Variants in PRR16 observed in about 807,000 individuals in gnomAD.
PRR16 encodes the protein protein Largen.
In PRR16, 6 loss-of-function variants were observed where a neutral mutation model predicts 18.2. That is an observed-to-expected ratio of 0.33 (90% CI 0.18 to 0.65). The LOEUF (loss-of-function observed/expected upper bound fraction) is 0.65. Ranked by LOEUF, PRR16 falls within the 30% of genes least tolerant of loss-of-function variation. The probability of loss-of-function intolerance (pLI) is 0.74; values close to 1 mark genes in which losing one functional copy is unlikely to be tolerated. For synonymous variants in PRR16, 151 were observed against 147.8 expected (o/e 1.02, Z -0.16); for missense variants, 412 against 376.6 (o/e 1.09, Z -0.78).
At chr5:120,695,705 G>C in the PRR16 span, among the ~76,000 whole-genome samples, 1 of 152,108 alleles carries the variant, frequency 6.6e-6, no homozygotes, top group Non-Finnish European at 1.5e-5. Context: ...ACACTTCAAA[G>C]TCTATCTTAA....
intron 1 of PRR16, among the ~76,000 whole-genome samples, chr5:120,494,158 A>AT (rs1195103645): frequency 1.3e-5 from 2 of 152,278 alleles, no homozygotes; most frequent in East Asian, 3.9e-4. Context: ...CCGTCAATGT[A>AT]TAAGTTATCT....
the PRR16 span, among the ~76,000 whole-genome samples, chr5:120,778,728 T>A: frequency 3.7e-4 from 57 of 152,302 alleles, 1 homozygote; most frequent in South Asian, 0.011. Context: ...CTGATTAAAT[T>A]CATAAAATTG....
chr5:120,613,190 G>A lies in PRR16; in HGVS notation c.160-72764G>A, dbSNP rs371561299. ...AATGAAGGAAACCTAGCAATTAAGCGTGAATTTTAAAACAAGGGTTGTGTT... is the reference window on the plus strand; with the variant it reads ...AATGAAGGAAACCTAGCAATTAAGCATGAATTTTAAAACAAGGGTTGTGTT... On this transcript the variant is annotated intron_variant, in intron 1 of 1. Coordinates refer to ENST00000407149, the MANE Select transcript of PRR16 (RefSeq NM_001300783.2). Among the ~76,000 whole-genome samples the A allele has an allele frequency of 2.1e-3, 313 of 152,184 alleles. 1 individual carries two copies. Among genetic ancestry groups the A allele is most frequent in the African/African-American group, 7.3e-3 (303 of 41,536 alleles).
intron 1 of PRR16, among the ~76,000 whole-genome samples, chr5:120,672,665 T>C (rs890081960): frequency 5.3e-5 from 8 of 152,218 alleles, no homozygotes; most frequent in Non-Finnish European, 1.2e-4. Context: ...CTCTTATTCT[T>C]ATTACATTAC....
chr5:120,701,924 C>G, the PRR16 span, among the ~76,000 whole-genome samples: 1 of 152,120 alleles, frequency 6.6e-6, no homozygotes, highest in African/African-American at 2.4e-5. Flanking sequence ...TTTGGAACGA[C>G]TGTCGAATTT....
At chr5:120,641,475 AC>A (rs1231878404) in intron 1 of PRR16, among the ~76,000 whole-genome samples, 14 of 152,100 alleles carry the variant, frequency 9.2e-5, no homozygotes, top group African/African-American at 3.4e-4. Context: ...TTTTCCTTTA[AC>A]TATGTTATCC....
At chr5:120,674,767 C>T (rs1756738069) in intron 1 of PRR16, among the ~76,000 whole-genome samples, 1 of 151,890 alleles carries the variant, frequency 6.6e-6, no homozygotes, top group Admixed American at 6.6e-5. Flanking sequence ...GTTTTTGAAG[C>T]TCCAATATTG....
intron 1 of PRR16, among the ~76,000 whole-genome samples, chr5:120,607,456 T>C (rs554447244): frequency 6.6e-6 from 1 of 152,340 alleles, no homozygotes; most frequent in Admixed American, 6.5e-5. Flanking sequence ...TTTTACTATA[T>C]AAAGAAGATT....
At chr5:120,767,951 C>T in the PRR16 span, among the ~76,000 whole-genome samples, 1 of 151,722 alleles carries the variant, frequency 6.6e-6, no homozygotes, top group Non-Finnish European at 1.5e-5. Flanking sequence ...ATAAAAGTCA[C>T]CACTTAAAAG....
At chr5:120,615,856 C>G (rs1001453951) in intron 1 of PRR16, among the ~76,000 whole-genome samples, 30 of 152,058 alleles carry the variant, frequency 2.0e-4, no homozygotes, top group Admixed American at 2.0e-3. Flanking sequence ...AGGAGGGTTC[C>G]TAGCACATAC....
intron 1 of PRR16, among the ~76,000 whole-genome samples, chr5:120,539,355 A>G (rs1413855536): frequency 3.3e-5 from 5 of 151,438 alleles, no homozygotes; most frequent in Non-Finnish European, 5.9e-5. Flanking sequence ...TTAAAATAAT[A>G]ACAACAAAGA....
chr5:120,721,292 A>G, the PRR16 span, among the ~76,000 whole-genome samples: 2 of 152,038 alleles, frequency 1.3e-5, no homozygotes, highest in Non-Finnish European at 2.9e-5. Context: ...TACATAATAA[A>G]CATTAAATAA....
chr5:120,582,716 T>C, intron 1 of PRR16, among the ~76,000 whole-genome samples: 1 of 151,366 alleles, frequency 6.6e-6, no homozygotes, highest in East Asian at 1.9e-4. Flanking sequence ...ATATTTAATG[T>C]GGGAGTGTGA....
the PRR16 span, among the ~76,000 whole-genome samples, chr5:120,704,102 C>T: frequency 6.6e-6 from 1 of 152,134 alleles, no homozygotes; most frequent in Non-Finnish European, 1.5e-5. Context: ...GAAGCTTTCT[C>T]TTAAGAGAAC....
At chr5:120,792,162 T>C in the PRR16 span, among the ~76,000 whole-genome samples, 8 of 152,172 alleles carry the variant, frequency 5.3e-5, no homozygotes, top group African/African-American at 1.4e-4. Context: ...AATATAGTTC[T>C]TTATTTTGTG....
At chr5:120,621,021 GC>G (rs1754671905) in intron 1 of PRR16, among the ~76,000 whole-genome samples, 1 of 152,028 alleles carries the variant, frequency 6.6e-6, no homozygotes, top group South Asian at 2.1e-4. Flanking sequence ...CAAACAAATT[GC>G]TTGGACCAAA....
chr5:120,713,130 G>A, the PRR16 span, among the ~76,000 whole-genome samples: 12 of 151,714 alleles, frequency 7.9e-5, no homozygotes, highest in African/African-American at 1.7e-4. Context: ...ACATACACAC[G>A]CACATATATT....
the PRR16 span, among the ~76,000 whole-genome samples, chr5:120,776,543 CTGTTAT>C: frequency 2.6e-5 from 4 of 152,134 alleles, no homozygotes; most frequent in South Asian, 4.1e-4. Flanking sequence ...TTCTAAATGA[CTGTTAT>C]TAAGAGCATA....
At chr5:120,644,108 A>T (rs1580823526) in intron 1 of PRR16, among the ~76,000 whole-genome samples, 1 of 152,058 alleles carries the variant, frequency 6.6e-6, no homozygotes, top group East Asian at 1.9e-4. Context: ...TCCTTCTCTT[A>T]CTAGCTGTGT....
Sources: gnomAD v4.1 joint callset for allele counts (sites outside exome capture counted in the v4.1 genomes callset) on GRCh38, gnomAD v4.1.1 for gene constraint, MANE v1.5 for transcripts, NCBI Gene and HGNC (gene_info 2026-07-23, HGNC 2026-07-21) for gene names.